Variants in RORA observed in about 807,000 individuals in gnomAD.
The protein encoded by RORA is RAR related orphan receptor A, also known as nuclear receptor ROR-alpha.
A neutral mutation model predicts 69.5 loss-of-function variants in RORA; 7 were observed. The ratio of observed to expected loss-of-function variants is 0.10; its 90% CI spans 0.06 to 0.19. The LOEUF (loss-of-function observed/expected upper bound fraction) is 0.19. RORA is among the 10% of genes least tolerant of loss of function. The pLI is 1.00. For synonymous variants in RORA, 261 were observed against 240.8 expected (o/e 1.08, Z -0.78); for missense variants, 457 against 663.0 (o/e 0.69, Z 3.41).
At position 61,189,931 on chromosome 15, in the gene RORA, C is replaced by T. The variant is rs1254158573; in HGVS notation, c.166+39122G>A. 2.9e-5 allele frequency among the ~76,000 whole-genome samples: 3 copies of T among 102,490 alleles called. No individual in the cohort carries two copies. In the East Asian group the frequency reaches 1.1e-3, roughly 36 times the overall value. The allele number at this position is 102,490 out of a possible 152,430, so 67.2% of individuals were successfully genotyped here. On this transcript the variant is annotated intron_variant, in intron 1 of 10. Coordinates refer to ENST00000335670, the MANE Select transcript of RORA (RefSeq NM_134261.3). Reference sequence around the variant, plus strand: ...AGCATTATTTATCATGGAAAAAAAACAATACCAAACTGCAAACAACCTACA... The same window carrying T: ...AGCATTATTTATCATGGAAAAAAAATAATACCAAACTGCAAACAACCTACA...
chr15:60,743,016 A>ATTTTTTTTTTTT (rs33922947), intron 1 of RORA, among the ~76,000 whole-genome samples: 1 of 105,164 alleles, frequency 9.5e-6, no homozygotes, highest in Non-Finnish European at 1.9e-5. Context: ...CATTCATTCT[A>ATTTTTTTTTTTT]TTTTTTTTTT....
chr15:60,515,742 G>A (rs1204500307), intron 3 of RORA, among the ~76,000 whole-genome samples: 4 of 145,080 alleles, frequency 2.8e-5, no homozygotes, highest in African/African-American at 1.0e-4. Flanking sequence ...AACACATGGG[G>A]GCTTTTTTTC....
chr15:61,049,800 T>TTTAA (rs1897214977), intron 1 of RORA, among the ~76,000 whole-genome samples: 1 of 152,064 alleles, frequency 6.6e-6, no homozygotes, highest in East Asian at 1.9e-4. Context: ...GCTGGGATTA[T>TTTAA]AGGCGCACAC....
chr15:60,714,349 G>C (rs555615696), intron 1 of RORA, among the ~76,000 whole-genome samples: 1 of 151,368 alleles, frequency 6.6e-6, no homozygotes, highest in African/African-American at 2.4e-5. Flanking sequence ...GTGAGCCACC[G>C]CATCTGGCCA....
rs2066610216 is a variant in RORA, at chr15:60,534,166, CTG to C, written c.197-2317_197-2316del. Among the ~76,000 whole-genome samples, 1 of 152,172 alleles carries C rather than the reference CTG, an allele frequency of 6.6e-6. No individual in the cohort carries two copies. The highest frequency in any genetic ancestry group is 2.1e-4 in the South Asian group (1 of 4,826). On this transcript the variant is annotated intron_variant, in intron 2 of 10. Coordinates refer to ENST00000335670, the MANE Select transcript of RORA (RefSeq NM_134261.3). The surrounding 1 kb of genome is among the most constrained non-coding windows in gnomAD (Gnocchi z 5.0). ...AGAAGTGAAGCAACGATGTTTAAGG[CTG>C]TGACCAAGATGCCTGCCTGGCACGG...
chr15:61,084,409 C>T (rs2078591853), intron 1 of RORA, among the ~76,000 whole-genome samples: 1 of 152,214 alleles, frequency 6.6e-6, no homozygotes, highest in African/African-American at 2.4e-5. Flanking sequence ...AAACCACTGA[C>T]TTTCTGAGGT....
chr15:60,922,914 C>T (rs536661004), intron 1 of RORA, among the ~76,000 whole-genome samples: 1 of 152,190 alleles, frequency 6.6e-6, no homozygotes, highest in Non-Finnish European at 1.5e-5. Context: ...ACTATTGTCA[C>T]ACATATATGC....
At chr15:61,127,193 G>T (rs1236144516) in intron 1 of RORA, among the ~76,000 whole-genome samples, 1 of 152,196 alleles carries the variant, frequency 6.6e-6, no homozygotes, top group Non-Finnish European at 1.5e-5. Flanking sequence ...GACCTTGAGT[G>T]TGTGTTAAAC....
chr15:61,010,233 A>C (rs1895044269), intron 1 of RORA, among the ~76,000 whole-genome samples: 1 of 152,144 alleles, frequency 6.6e-6, no homozygotes, highest in Non-Finnish European at 1.5e-5. Context: ...TCTATTTGAG[A>C]GAATTTGGGA....
At chr15:61,074,127 G>T (rs2078411784) in intron 1 of RORA, among the ~76,000 whole-genome samples, 1 of 152,098 alleles carries the variant, frequency 6.6e-6, no homozygotes, top group Non-Finnish European at 1.5e-5. Context: ...GAGCAAAAAA[G>T]CTCCTCCAGG....
intron 2 of RORA, among the ~76,000 whole-genome samples, chr15:60,564,772 G>A (rs753278097): frequency 1.3e-5 from 2 of 152,050 alleles, no homozygotes; most frequent in Admixed American, 6.6e-5. Context: ...TTTTATCAGC[G>A]CAAAACAGTG....
chr15:61,095,388 T>C (rs1436224291), intron 1 of RORA, among the ~76,000 whole-genome samples: 1 of 152,248 alleles, frequency 6.6e-6, no homozygotes, highest in Non-Finnish European at 1.5e-5. Context: ...AAAGGCTTAT[T>C]TCCTGGAAAG....
chr15:61,105,846 G>A (rs1475643964), intron 1 of RORA, among the ~76,000 whole-genome samples: 3 of 152,208 alleles, frequency 2.0e-5, no homozygotes, highest in Non-Finnish European at 4.4e-5. Flanking sequence ...TAGATACTAG[G>A]TAATTATTAG....
intron 3 of RORA, among the ~76,000 whole-genome samples, chr15:60,527,184 A>G (rs951764652): frequency 1.3e-5 from 2 of 152,234 alleles, no homozygotes; most frequent in African/African-American, 4.8e-5. Flanking sequence ...GTGCATTATC[A>G]TTAAAAAACT....
chr15:60,640,848 C>T (rs2069931720), intron 2 of RORA, among the ~76,000 whole-genome samples: 1 of 152,208 alleles, frequency 6.6e-6, no homozygotes, highest in Non-Finnish European at 1.5e-5. Context: ...TTCTTCATAG[C>T]ACTTGTCACT....
rs555603229 is a variant in RORA at position 61,027,256 on chromosome 15, T to A, written c.166+201797A>T. On this transcript the variant is annotated intron_variant, in intron 1 of 10. Transcript: ENST00000335670. ...TGCGAATGCAAGTTTATATTTCTAG[T>A]AAACATTTTAACATTTTAGTCCCAA... Among the ~76,000 whole-genome samples the A allele has an allele frequency of 2.6e-5, 4 of 152,232 alleles. 1 individual carries two copies. The South Asian group carries it at 8.3e-4, about 31-fold the overall frequency.
At chr15:60,839,385 T>C (rs2073165921) in intron 1 of RORA, among the ~76,000 whole-genome samples, 1 of 152,236 alleles carries the variant, frequency 6.6e-6, no homozygotes, top group South Asian at 2.1e-4. Flanking sequence ...ATTTCTTTAC[T>C]TAATTTATCA....
rs567420989 is a variant in RORA at position 60,671,369 on chromosome 15, C to T, written c.196+7288G>A. On this transcript the variant is annotated intron_variant, in intron 2 of 10. Transcript: ENST00000335670. ...TAGCTGTCCTAGAAGCAGAAGTAAC[C>T]ACTTTGAACAATTGTTTTATTATGG... Among the ~76,000 whole-genome samples, 54 of 152,078 alleles carry T rather than the reference C, an allele frequency of 3.6e-4. No individual in the cohort carries two copies. The South Asian group carries it at 4.6e-3, about 13-fold the overall frequency.
chr15:60,857,067 T>C (rs1488035257), intron 1 of RORA, among the ~76,000 whole-genome samples: 2 of 152,146 alleles, frequency 1.3e-5, no homozygotes, highest in East Asian at 3.9e-4. Context: ...AATAAACGTC[T>C]AGTGGGAGAG....
Sources: allele counts gnomAD v4.1 joint callset (sites outside exome capture counted in the v4.1 genomes callset), GRCh38; gene constraint gnomAD v4.1.1; non-coding constraint Gnocchi (gnomAD v3.1); transcripts MANE v1.5; gene names NCBI Gene and HGNC (gene_info 2026-07-23, HGNC 2026-07-21).